Variants in IL1R1 observed in about 807,000 individuals in gnomAD.
The protein encoded by IL1R1 is interleukin 1 receptor type 1.
In IL1R1, 22 loss-of-function variants were observed where a neutral mutation model predicts 50.2. That is an observed-to-expected ratio of 0.44 (90% CI 0.31 to 0.63). The LOEUF is 0.63. Among genes scored for constraint, IL1R1 ranks in the 20% least tolerant of loss-of-function variants. The pLI, the probability that IL1R1 is intolerant of heterozygous loss-of-function variation, is 0.07. For missense variants in IL1R1, 509 were observed against 676.2 expected, an observed-to-expected ratio of 0.75 and a Z score of 2.74; for synonymous variants, 251 against 236.7, an observed-to-expected ratio of 1.06 and a Z score of -0.55.
At chr2:102,149,991 G>A (rs752675104) in intron 1 of IL1R1, among the ~76,000 whole-genome samples, 2 of 152,192 alleles carry the variant, frequency 1.3e-5, no homozygotes, top group African/African-American at 2.4e-5. Context: ...ACCTCCAGCA[G>A]GTTCTGATAC....
At chr2:102,129,294 CAAA>C (rs1402800924) in intron 1 of IL1R1, among the ~76,000 whole-genome samples, 3 of 147,134 alleles carry the variant, frequency 2.0e-5, no homozygotes, top group African/African-American at 7.4e-5. Flanking sequence ...ACAACAACAA[CAAA>C]ACCAAAACAA....
At chr2:102,127,690 T>A (rs1195485691) in intron 1 of IL1R1, among the ~76,000 whole-genome samples, 1 of 145,284 alleles carries the variant, frequency 6.9e-6, no homozygotes, top group Non-Finnish European at 1.5e-5. Flanking sequence ...TGTGTGTGTG[T>A]GTGTGTATCC....
intron 1 of IL1R1, among the ~76,000 whole-genome samples, chr2:102,075,321 A>G (rs886165228): frequency 4.6e-5 from 7 of 152,204 alleles, no homozygotes; most frequent in African/African-American, 9.6e-5. Flanking sequence ...TATGATGAGC[A>G]TGTTGTGACA....
chr2:102,072,785 T>G (rs1178795166), intron 1 of IL1R1, among the ~76,000 whole-genome samples: 2 of 152,244 alleles, frequency 1.3e-5, no homozygotes, highest in African/African-American at 4.8e-5. Flanking sequence ...CCAAGTTGTC[T>G]TTTCTATGCA....
upstream of IL1R1, among the ~76,000 whole-genome samples, chr2:102,139,953 A>G (rs561667059): frequency 6.6e-4 from 101 of 152,314 alleles, no homozygotes; most frequent in Middle Eastern, 6.8e-3. Flanking sequence ...GTGGTGCTGA[A>G]GAGTGGAAGC....
intron 1 of IL1R1, among the ~76,000 whole-genome samples, chr2:102,109,066 A>C (rs2104359578): frequency 6.6e-6 from 1 of 152,096 alleles, no homozygotes; most frequent in South Asian, 2.1e-4. Context: ...AATCAGTACT[A>C]TTATTTTATT....
intron 1 of IL1R1, among the ~76,000 whole-genome samples, chr2:102,109,751 G>A (rs1286312946): frequency 6.6e-6 from 1 of 152,126 alleles, no homozygotes; most frequent in Non-Finnish European, 1.5e-5. Context: ...GACTCGATGG[G>A]CGTTTAAAAT....
At chr2:102,127,672 T>TGC (rs1419812110) in intron 1 of IL1R1, among the ~76,000 whole-genome samples, 2 of 150,222 alleles carry the variant, frequency 1.3e-5, no homozygotes, top group African/African-American at 4.9e-5. Flanking sequence ...TGTGTGTGTG[T>TGC]GTGTGTGTGT....
Position 102,078,121 on chromosome 2 carries a change from A to T in IL1R1, c.-84+7588A>T, listed in dbSNP as rs562058785. On this transcript the variant is annotated intron_variant, in intron 1 of 11. Transcript: ENST00000409929. ...ATAAATGAGTATATTACAAAAAAGG[A>T]TCTTAAATGACTTATCATTCCACTC... is the stretch of plus-strand genomic sequence containing the variant. 3.3e-5 allele frequency among the ~76,000 whole-genome samples: 5 copies of T among 152,094 alleles called. No homozygotes were observed. In the South Asian group the frequency reaches 1.0e-3, roughly 32 times the overall value.
intron 1 of IL1R1, among the ~76,000 whole-genome samples, chr2:102,150,698 C>T (rs1334423145): frequency 3.3e-5 from 5 of 152,162 alleles, no homozygotes; most frequent in African/African-American, 9.7e-5. Context: ...TGGACAAGGC[C>T]TCCGGAAGTG....
intron 3 of IL1R1, among the ~76,000 whole-genome samples, chr2:102,160,995 ATTAC>A (rs142119458): frequency 0.016 from 2,448 of 152,206 alleles, 58 homozygotes; most frequent in African/African-American, 0.048. Context: ...TTACTTTGGA[ATTAC>A]TTTGTTCTTT....
At chr2:102,127,735 C>T (rs549491894) in intron 1 of IL1R1, among the ~76,000 whole-genome samples, 5 of 151,122 alleles carry the variant, frequency 3.3e-5, no homozygotes, top group African/African-American at 1.2e-4. Context: ...ACCTATTTGG[C>T]AACAAGAGAG....
At chr2:102,132,804 G>A (rs1682110950) in intron 1 of IL1R1, among the ~76,000 whole-genome samples, 1 of 152,058 alleles carries the variant, frequency 6.6e-6, no homozygotes, top group South Asian at 2.1e-4. Flanking sequence ...AATAATAAGG[G>A]AATACTAGGA....
At chr2:102,152,460 G>A (rs533907558) in intron 1 of IL1R1, among the ~76,000 whole-genome samples, 6 of 119,536 alleles carry the variant, frequency 5.0e-5, no homozygotes, top group South Asian at 3.0e-4. Context: ...AGCCTAGATC[G>A]CACCACTGCA....
At position 102,175,482 on chromosome 2, in the gene IL1R1, A is replaced by G. The variant is rs774227491; in HGVS notation, c.1140A>G (p.Ser380=). The G allele has an allele frequency of 1.9e-6, 3 of 1,612,490 alleles. No homozygotes were observed. In the African/African-American group the frequency reaches 4.0e-5, roughly 21 times the overall value. Residue 380 remains serine (S), a synonymous_variant, in exon 11 of 12, where the codon TCA becomes TCG. Coordinates refer to ENST00000410023, the MANE Select transcript of IL1R1 (RefSeq NM_000877.4). ...SCYDFLPIKA[S]DGKTYDAYIL... ...TACATTATGTTTTTCCTTTAGCTTC[A>G]GATGGAAAGACCTATGACGCATATA...
chr2:102,102,882 G>A (rs1363380652), upstream of IL1R1, among the ~76,000 whole-genome samples: 2 of 152,096 alleles, frequency 1.3e-5, no homozygotes, highest in South Asian at 4.1e-4. Flanking sequence ...ATTCTTCTGA[G>A]AACTAACACA....
intron 6 of IL1R1, 114 bp from the exon 7 acceptor site, chr2:102,168,484 C>T (rs1011060403): frequency 1.2e-5 from 10 of 840,274 alleles, no homozygotes; most frequent in Non-Finnish European, 2.0e-5. Context: ...GTGCTTTGAA[C>T]ACTTGATGGA....
chr2:102,137,347 T>C (rs1408288460), intron 1 of IL1R1, among the ~76,000 whole-genome samples: 1 of 152,184 alleles, frequency 6.6e-6, no homozygotes, highest in Non-Finnish European at 1.5e-5. Context: ...TTTTGTGGGT[T>C]GATGAGGCTC....
chr2:102,159,077 A>G (rs1292915174), intron 3 of IL1R1, among the ~76,000 whole-genome samples: 6 of 152,240 alleles, frequency 3.9e-5, no homozygotes, highest in Non-Finnish European at 8.8e-5. Flanking sequence ...TGAAATTGCC[A>G]TTGATGAGAT....
Sources: gnomAD v4.1 joint callset for allele counts (sites outside exome capture counted in the v4.1 genomes callset) on GRCh38, gnomAD v4.1.1 for gene constraint, MANE v1.5 for transcripts, NCBI Gene and HGNC (gene_info 2026-07-23, HGNC 2026-07-21) for gene names.